CDC16: variants seen among roughly 807,000 people sequenced by gnomAD.
CDC16 encodes cell division cycle protein 16 homolog.
Under a neutral mutation model 87.0 loss-of-function variants are expected in CDC16, and 34 were observed. The observed-to-expected ratio is 0.39, with a 90% CI of 0.30 to 0.52. CDC16 has a LOEUF of 0.52. CDC16 is among the 20% of genes least tolerant of loss of function. The pLI is 0.74. For missense variants in CDC16, 653 were observed against 751.9 expected (o/e 0.87, Z 1.54); for synonymous variants, 263 against 260.6 (o/e 1.01, Z -0.09).
intron 17 of CDC16, among the ~76,000 whole-genome samples, chr13:114,270,151 C>T (rs984006033): frequency 6.6e-6 from 1 of 152,162 alleles, no homozygotes; most frequent in African/African-American, 2.4e-5. Context: ...AATTGGCTCA[C>T]AGTTCTGCAG....
rs1211773342 is a variant in CDC16, at chr13:114,252,444, G to A, written c.1097+1770G>A. On this transcript the variant is annotated intron_variant, in intron 12 of 17. Coordinates refer to ENST00000356221, the MANE Select transcript of CDC16 (RefSeq NM_001078645.3). ...GCAGAGGGGACACAAACAGTCCATAGCACTAATATATTACTAGAAAATAAC... is the reference window on the plus strand; with the variant it reads ...GCAGAGGGGACACAAACAGTCCATAACACTAATATATTACTAGAAAATAAC... Among the ~76,000 whole-genome samples, 3 of 152,178 alleles carry A rather than the reference G, an allele frequency of 2.0e-5. No individual in the cohort carries two copies. In the East Asian group the frequency reaches 5.8e-4, roughly 29 times the overall value.
intron 13 of CDC16, 62 bp downstream of exon 13, chr13:114,257,292 C>A: frequency 8.8e-6 from 9 of 1,027,406 alleles, no homozygotes; most frequent in South Asian, 2.1e-5. Context: ...AGTAGGTGAT[C>A]ACTAGAGTTC....
chr13:114,266,419 C>T (rs1394097984), intron 17 of CDC16, among the ~76,000 whole-genome samples: 1 of 152,102 alleles, frequency 6.6e-6, no homozygotes, highest in Non-Finnish European at 1.5e-5. Context: ...TGAGTAATAC[C>T]CATTGTAAAG....
chr13:114,263,940 C>A (rs117989861), intron 16 of CDC16, among the ~76,000 whole-genome samples: 1,745 of 152,196 alleles, frequency 0.011, 97 homozygotes, highest in Admixed American at 0.081. Context: ...AATAGGAAAC[C>A]ACAGGTAAAA....
chr13:114,269,948 C>T (rs558053376), intron 17 of CDC16, among the ~76,000 whole-genome samples: 12 of 152,152 alleles, frequency 7.9e-5, no homozygotes, highest in Admixed American at 5.2e-4. Flanking sequence ...TCGGGTGATC[C>T]GCCCGCCTCA....
At chr13:114,261,154 T>G (rs898061106) in intron 14 of CDC16, among the ~76,000 whole-genome samples, 4 of 152,022 alleles carry the variant, frequency 2.6e-5, no homozygotes, top group African/African-American at 9.7e-5. Context: ...TTGCAAAAAT[T>G]GGAGCTAATT....
At chr13:114,266,976 G>C (rs539318116) in intron 17 of CDC16, among the ~76,000 whole-genome samples, 1 of 152,174 alleles carries the variant, frequency 6.6e-6, no homozygotes, top group African/African-American at 2.4e-5. Context: ...GATTACAGGC[G>C]TGAGCCACCA....
At position 114,236,716 on chromosome 13, in the gene CDC16, T is replaced by C. The variant is rs762517534; in HGVS notation, c.103+17T>C. 6 of 1,614,000 alleles carry C rather than the reference T, an allele frequency of 3.7e-6. No individual in the cohort carries two copies. The highest frequency in any genetic ancestry group is 5.1e-6 in the Non-Finnish European group (6 of 1,179,986). On this transcript the variant is annotated intron_variant, in intron 2 of 17. Transcript: ENST00000356221. ...TCTCTCGTGGTAAGTGACAAAATGC[T>C]AACTGGTTTTCTGATTAATCTTAAA...
chr13:114,240,767 T>C (rs1254386310), intron 5 of CDC16, among the ~76,000 whole-genome samples: 1 of 152,212 alleles, frequency 6.6e-6, no homozygotes, highest in Admixed American at 6.5e-5. Flanking sequence ...TTTGTTTTTT[T>C]TTCTGGCCAC....
chr13:114,262,305 C>T (rs1053711931), intron 15 of CDC16, among the ~76,000 whole-genome samples: 1 of 152,160 alleles, frequency 6.6e-6, no homozygotes, highest in Non-Finnish European at 1.5e-5. Flanking sequence ...TTAAATATGT[C>T]TGGGCAATTT....
intron 7 of CDC16, among the ~76,000 whole-genome samples, 168 bp downstream of exon 7, chr13:114,243,516 A>G (rs1477774133): frequency 6.6e-6 from 1 of 151,336 alleles, no homozygotes; most frequent in Non-Finnish European, 1.5e-5. Context: ...AAAAGCTTTC[A>G]AAAATACCTT....
intron 16 of CDC16, among the ~76,000 whole-genome samples, chr13:114,263,623 A>G (rs992969094): frequency 2.0e-5 from 3 of 152,232 alleles, no homozygotes; most frequent in Admixed American, 6.5e-5. Flanking sequence ...AATGGTTACA[A>G]TATTCAGCCC....
At chr13:114,242,059 A>G (rs75067888) in intron 5 of CDC16, 62 bp from the exon 6 acceptor site, 27 of 1,081,232 alleles carry the variant, frequency 2.5e-5, no homozygotes, top group Non-Finnish European at 3.0e-5. Context: ...CTCTAAGGAG[A>G]AAAAAAAAAA....
intron 12 of CDC16, among the ~76,000 whole-genome samples, chr13:114,253,960 A>G (rs1247061537): frequency 6.6e-6 from 1 of 152,128 alleles, no homozygotes; most frequent in African/African-American, 2.4e-5. Flanking sequence ...TTCACTTCAT[A>G]TATTCTGAGT....
intron 16 of CDC16, among the ~76,000 whole-genome samples, chr13:114,263,576 C>T (rs969369518): frequency 1.3e-5 from 2 of 152,170 alleles, no homozygotes; most frequent in South Asian, 4.1e-4. Flanking sequence ...TTGTATTACT[C>T]TAGTACATAC....
intron 12 of CDC16, among the ~76,000 whole-genome samples, chr13:114,256,288 G>T (rs1260036902): frequency 6.6e-6 from 1 of 152,154 alleles, no homozygotes; most frequent in African/African-American, 2.4e-5. Flanking sequence ...GAGTCCTTAT[G>T]CTGCCATTTT....
chr13:114,246,881 T>C, intron 10 of CDC16, 50 bp from the exon 11 acceptor site: 1 of 1,122,000 alleles, frequency 8.9e-7, no homozygotes, highest in East Asian at 2.3e-5. Context: ...AGATTCCAAT[T>C]AGATATTCCA....
At chr13:114,251,303 C>T (rs1027155677) in intron 12 of CDC16, among the ~76,000 whole-genome samples, 3 of 152,174 alleles carry the variant, frequency 2.0e-5, no homozygotes, top group Non-Finnish European at 4.4e-5. Flanking sequence ...CTTCCACTCC[C>T]AGCCATGTGA....
Position 114,261,011 on chromosome 13 carries a change from G to A in CDC16, c.1315-876G>A, listed in dbSNP as rs17291459. 9.8e-4 allele frequency among the ~76,000 whole-genome samples: 149 copies of A among 152,210 alleles called. 2 individuals are homozygous for A. The highest frequency in any genetic ancestry group is 8.7e-3 in the South Asian group (42 of 4,818). ...GTACGTAAATTGACAGTGAAAATAC[G>A]GTGCAATTGAGGAACTAAAGGTGCC... is the stretch of plus-strand genomic sequence containing the variant. On this transcript the variant is annotated intron_variant, in intron 14 of 17. Transcript: ENST00000356221.
Sources: gnomAD v4.1 joint callset for allele counts (sites outside exome capture counted in the v4.1 genomes callset) on GRCh38, gnomAD v4.1.1 for gene constraint, MANE v1.5 for transcripts, NCBI Gene and HGNC (gene_info 2026-07-23, HGNC 2026-07-21) for gene names.